Variants in ZNF407 observed in about 807,000 individuals in gnomAD.
ZNF407 encodes zinc finger protein 407.
ZNF407 carries 17 observed loss-of-function variants against 131.2 expected under a neutral mutation model. The observed-to-expected ratio is 0.13, with a 90% CI of 0.09 to 0.19. The LOEUF is 0.19. Ranked by LOEUF, ZNF407 falls within the 10% of genes least tolerant of loss-of-function variation. ZNF407 has a pLI of 1.00. For synonymous variants in ZNF407, 1,156 were observed against 1,062.0 expected, an observed-to-expected ratio of 1.09 and a Z score of -1.72; for missense variants, 2,681 against 2,830.6, an observed-to-expected ratio of 0.95 and a Z score of 1.20.
At chr18:74,726,358 A>G (rs1968158035) in intron 3 of ZNF407, among the ~76,000 whole-genome samples, 1 of 152,200 alleles carries the variant, frequency 6.6e-6, no homozygotes, top group Admixed American at 6.5e-5. Context: ...AGAGAACTGT[A>G]TAGGACTGAC....
intron 3 of ZNF407, 120 bp from the exon 4 acceptor site, chr18:74,781,308 C>T (rs1164534314): frequency 2.3e-5 from 15 of 658,386 alleles, no homozygotes; most frequent in Non-Finnish European, 3.8e-5. Flanking sequence ...GCAAGAGTGC[C>T]ACTGTAATAC....
Position 74,961,579 on chromosome 18 carries a change from G to A in ZNF407, c.5428+40887G>A, listed in dbSNP as rs1972345266. On this transcript the variant is annotated intron_variant, in intron 8 of 8. Coordinates refer to ENST00000299687, the MANE Select transcript of ZNF407 (RefSeq NM_017757.3). ...ACAAAAAATACAAAAAATTAGCTGG[G>A]TGTGGTGACGCGTGCCAATAGTCCC... Among the ~76,000 whole-genome samples, 3 of 152,012 alleles carry A rather than the reference G, an allele frequency of 2.0e-5. No homozygotes were observed. In the South Asian group the frequency reaches 6.2e-4, roughly 32 times the overall value.
intron 3 of ZNF407, among the ~76,000 whole-genome samples, chr18:74,759,567 G>T (rs1215263849): frequency 4.1e-5 from 6 of 148,136 alleles, no homozygotes; most frequent in South Asian, 4.3e-4. Flanking sequence ...CCTTCATTTT[G>T]TTTCTCAGAC....
intron 8 of ZNF407, among the ~76,000 whole-genome samples, chr18:74,975,183 T>C (rs1238222059): frequency 6.6e-6 from 1 of 152,376 alleles, no homozygotes; most frequent in Non-Finnish European, 1.5e-5. Context: ...TGCTGAAATA[T>C]GCTTTTAATT....
At chr18:74,707,452 T>G (rs1217814000) in intron 3 of ZNF407, among the ~76,000 whole-genome samples, 1 of 152,198 alleles carries the variant, frequency 6.6e-6, no homozygotes, top group Non-Finnish European at 1.5e-5. Context: ...GAATTTTTGA[T>G]TATTTGCATT....
In ZNF407 at chr18:74,843,376, A is replaced by G. The variant is rs899465082; in HGVS notation, c.4878-33821A>G. Among the ~76,000 whole-genome samples the G allele has an allele frequency of 2.9e-4, 44 of 152,210 alleles. 1 individual carries two copies. Among genetic ancestry groups the G allele is most frequent in the African/African-American group, 9.9e-4 (41 of 41,464 alleles). The stretch of plus-strand genomic sequence containing the variant: ...TACAGAGTTAAAAATGAAAAATTGC[A>G]TAGTTTTTACCTTAACACAAATTTG... On this transcript the variant is annotated intron_variant, in intron 4 of 8. Transcript: ENST00000299687.
chr18:74,896,005 A>T (rs1419243430), intron 7 of ZNF407, among the ~76,000 whole-genome samples: 1 of 152,176 alleles, frequency 6.6e-6, no homozygotes, highest in African/African-American at 2.4e-5. Flanking sequence ...ATAGATCTTG[A>T]TCTCTGTAGC....
intron 8 of ZNF407, among the ~76,000 whole-genome samples, chr18:74,989,720 G>T (rs1408739905): frequency 6.6e-6 from 1 of 151,772 alleles, no homozygotes; most frequent in African/African-American, 2.4e-5. Flanking sequence ...GTGGGCACCT[G>T]TAATCCCAGC....
At chr18:74,680,447 A>G (rs558942801) in intron 3 of ZNF407, among the ~76,000 whole-genome samples, 1 of 152,162 alleles carries the variant, frequency 6.6e-6, no homozygotes, top group Admixed American at 6.5e-5. Flanking sequence ...AAATCAGGGA[A>G]AAAAATTGAA....
At chr18:74,708,149 A>G (rs982427541) in intron 3 of ZNF407, among the ~76,000 whole-genome samples, 1 of 152,210 alleles carries the variant, frequency 6.6e-6, no homozygotes, top group Non-Finnish European at 1.5e-5. Flanking sequence ...CAAACTGGGT[A>G]CTGTCTATAT....
chr18:74,980,489 G>A (rs962697736), intron 8 of ZNF407, among the ~76,000 whole-genome samples: 3 of 151,956 alleles, frequency 2.0e-5, no homozygotes, highest in African/African-American at 7.3e-5. Context: ...TATTTTAATA[G>A]AGACAGGGTT....
intron 3 of ZNF407, among the ~76,000 whole-genome samples, chr18:74,757,281 G>A (rs1438293538): frequency 6.6e-6 from 1 of 151,852 alleles, no homozygotes; most frequent in Non-Finnish European, 1.5e-5. Flanking sequence ...ATATACAGAT[G>A]TTTAAAGATA....
At chr18:74,832,558 G>A (rs1970500794) in intron 4 of ZNF407, among the ~76,000 whole-genome samples, 1 of 151,660 alleles carries the variant, frequency 6.6e-6, no homozygotes, top group Non-Finnish European at 1.5e-5. Flanking sequence ...GAGCTCACCT[G>A]AGTTTGTAAG....
At chr18:74,621,903 C>T (rs1008243931) in intron 1 of ZNF407, among the ~76,000 whole-genome samples, 6 of 152,128 alleles carry the variant, frequency 3.9e-5, no homozygotes, top group African/African-American at 1.4e-4. Flanking sequence ...TCCTGGACCC[C>T]AGTGTTTATG....
chr18:75,023,714 A>G (rs1479585724), intron 8 of ZNF407, among the ~76,000 whole-genome samples: 1 of 152,194 alleles, frequency 6.6e-6, no homozygotes, highest in African/African-American at 2.4e-5. Context: ...TACTCTAGCT[A>G]TCTGAGCACC....
At chr18:74,962,927 G>A (rs1175468679) in intron 8 of ZNF407, among the ~76,000 whole-genome samples, 1 of 152,204 alleles carries the variant, frequency 6.6e-6, no homozygotes, top group Admixed American at 6.5e-5. Flanking sequence ...GTTCCTGGCT[G>A]GAAATCTTAT....
Position 74,745,375 on chromosome 18 carries a change from CAA to C in ZNF407, c.4803-36043_4803-36042del, listed in dbSNP as rs33911944. Among the ~76,000 whole-genome samples, 515 of 151,450 alleles carry C rather than the reference CAA, an allele frequency of 3.4e-3. 7 individuals carry two copies. The highest frequency in any genetic ancestry group is 0.011 in the African/African-American group (460 of 41,282). On this transcript the variant is annotated intron_variant, in intron 3 of 8. Coordinates refer to ENST00000299687, the MANE Select transcript of ZNF407 (RefSeq NM_017757.3). ...TAAATATTGCTAATTTCTTCAGAGGCAAAAAAAAAAATATTCTCAATCTCACC... is the reference window on the plus strand; with the variant it reads ...TAAATATTGCTAATTTCTTCAGAGGCAAAAAAAAATATTCTCAATCTCACC...
chr18:74,647,016 T>G (rs1985002020), intron 3 of ZNF407, among the ~76,000 whole-genome samples: 1 of 152,252 alleles, frequency 6.6e-6, no homozygotes, highest in African/African-American at 2.4e-5. Flanking sequence ...TTATCATTTC[T>G]TGGTGTAGTA....
chr18:74,866,772 TTATTGTATTCATTA>T (rs1453307940), intron 4 of ZNF407, among the ~76,000 whole-genome samples: 1 of 149,610 alleles, frequency 6.7e-6, no homozygotes, highest in African/African-American at 2.4e-5. Flanking sequence ...TTTATTCATT[TTATTGTATTCATTA>T]TATTTTATTC....
Sources: allele counts gnomAD v4.1 joint callset (sites outside exome capture counted in the v4.1 genomes callset), GRCh38; gene constraint gnomAD v4.1.1; transcripts MANE v1.5; gene names NCBI Gene and HGNC (gene_info 2026-07-23, HGNC 2026-07-21).